Variants in SCYL2 observed in about 807,000 individuals in gnomAD.
SCYL2 encodes the protein SCY1 like pseudokinase 2.
SCYL2 carries 36 observed loss-of-function variants against 100.4 expected under a neutral mutation model. That is an observed-to-expected ratio of 0.36 (90% confidence interval 0.27 to 0.47). The LOEUF (loss-of-function observed/expected upper bound fraction) is 0.47. Among genes scored for constraint, SCYL2 ranks in the 20% least tolerant of loss-of-function variants. SCYL2 has a pLI of 1.00. For synonymous variants in SCYL2, 330 were observed against 359.2 expected (o/e 0.92, Z 0.92); for missense variants, 902 against 1,083.9 (o/e 0.83, Z 2.36).
intron 1 of SCYL2, among the ~76,000 whole-genome samples, chr12:100,273,493 G>A (rs1274179697): frequency 6.6e-6 from 1 of 151,916 alleles, no homozygotes; most frequent in African/African-American, 2.4e-5. Context: ...TTTCTCATAT[G>A]GTATCAGATA....
chr12:100,271,260 C>CAAAAAAAAAA (rs11354103), intron 1 of SCYL2, among the ~76,000 whole-genome samples: 69 of 83,314 alleles, frequency 8.3e-4, no homozygotes, highest in African/African-American at 3.5e-3. Flanking sequence ...TGCAGAGCAG[C>CAAAAAAAAAA]AAAAAAAAAA....
At chr12:100,268,723 C>T (rs1381694409) in intron 1 of SCYL2, among the ~76,000 whole-genome samples, 1 of 152,188 alleles carries the variant, frequency 6.6e-6, no homozygotes, top group Non-Finnish European at 1.5e-5. Flanking sequence ...GGAATAACTA[C>T]TCATATTCAC....
intron 1 of SCYL2, among the ~76,000 whole-genome samples, chr12:100,281,201 G>T (rs1310443495): frequency 1.3e-5 from 2 of 151,456 alleles, no homozygotes; most frequent in East Asian, 3.9e-4. Context: ...GCTAATTTTC[G>T]AATTTTTTGT....
intron 1 of SCYL2, among the ~76,000 whole-genome samples, chr12:100,269,641 G>C (rs2096285121): frequency 6.6e-6 from 1 of 152,092 alleles, no homozygotes; most frequent in Non-Finnish European, 1.5e-5. Flanking sequence ...TTGTAGATTA[G>C]AAATAGTGTT....
intron 12 of SCYL2, among the ~76,000 whole-genome samples, chr12:100,328,744 C>T (rs1387135841): frequency 6.6e-6 from 1 of 152,134 alleles, no homozygotes; most frequent in Non-Finnish European, 1.5e-5. Flanking sequence ...TATTAAATTT[C>T]AAACATGTTG....
intron 2 of SCYL2, among the ~76,000 whole-genome samples, chr12:100,287,568 A>C (rs2096305794): frequency 6.6e-6 from 1 of 152,204 alleles, no homozygotes. Flanking sequence ...TTTTTTGTTT[A>C]AATTAGGCTA....
intron 2 of SCYL2, 120 bp downstream of exon 2, chr12:100,283,267 C>A (rs1182748421): frequency 4.0e-6 from 3 of 742,094 alleles, no homozygotes; most frequent in Non-Finnish European, 6.5e-6. Context: ...TAAATGGGTT[C>A]TTTAGTTCTC....
intron 1 of SCYL2, among the ~76,000 whole-genome samples, chr12:100,279,545 T>G (rs1340261910): frequency 6.6e-6 from 1 of 152,256 alleles, no homozygotes; most frequent in Non-Finnish European, 1.5e-5. Context: ...AATTTTTTTG[T>G]GCATGTTATG....
chr12:100,269,453 C>T (rs931507609), intron 1 of SCYL2, among the ~76,000 whole-genome samples: 1 of 152,040 alleles, frequency 6.6e-6, no homozygotes, highest in Non-Finnish European at 1.5e-5. Context: ...TTTATTAATA[C>T]TTAATAAATT....
At chr12:100,292,502 T>G (rs2096311760) in intron 3 of SCYL2, among the ~76,000 whole-genome samples, 1 of 152,218 alleles carries the variant, frequency 6.6e-6, no homozygotes, top group African/African-American at 2.4e-5. Context: ...CTTTTATCTT[T>G]TATTATATAT....
At chr12:100,326,544 G>A (rs1352141384) in intron 11 of SCYL2, 78 bp from the exon 12 acceptor site, 1 of 992,894 alleles carries the variant, frequency 1.0e-6, no homozygotes, top group East Asian at 2.7e-5. Context: ...TTTATATGAA[G>A]ATTAAGTTTA....
rs2096310771 is a variant in SCYL2 at position 100,291,619 on chromosome 12, C to T, written c.294C>T (p.His98=). 6.3e-7 allele frequency: 1 copy of T among 1,599,560 alleles called. No homozygotes were observed. Among genetic ancestry groups the T allele is most frequent in the East Asian group, 2.3e-5 (1 of 44,202 alleles). ...RGVQQLTRLR[H]PRLLTVQHPL... ...TCCAACAGTTAACTCGGCTTCGACA[C>T]CCTCGACTTCTTACTGTCCAGCATC... Residue 98 remains histidine, a synonymous_variant, in exon 3 of 18, where the codon CAC becomes CAT. Coordinates refer to ENST00000360820, the MANE Select transcript of SCYL2 (RefSeq NM_017988.6).
At chr12:100,279,297 G>C (rs1391679218) in intron 1 of SCYL2, among the ~76,000 whole-genome samples, 1 of 152,222 alleles carries the variant, frequency 6.6e-6, no homozygotes, top group Non-Finnish European at 1.5e-5. Flanking sequence ...GCTCCTTTGA[G>C]AATCTATTGC....
In SCYL2 at chr12:100,278,630, C is replaced by CT. The variant is rs66782127; in HGVS notation, c.-28-4295dup. On this transcript the variant is annotated intron_variant, in intron 1 of 17. Coordinates refer to ENST00000360820, the MANE Select transcript of SCYL2 (RefSeq NM_017988.6). Reference sequence around the variant, plus strand: ...TGTTTCTGCCAAATTTGGGGAAATTCTTTTTTTTTTTTTTTTTTGAGATGG... The same window carrying CT: ...TGTTTCTGCCAAATTTGGGGAAATTCTTTTTTTTTTTTTTTTTTTGAGATGG... 8.7e-3 allele frequency among the ~76,000 whole-genome samples: 1,050 copies of CT among 120,480 alleles called. 12 individuals are homozygous for CT. The highest frequency in any genetic ancestry group is 0.029 in the Middle Eastern group (7 of 238). The allele number at this position is 120,480 out of a possible 152,430, so 79.0% of individuals were successfully genotyped here.
intron 1 of SCYL2, among the ~76,000 whole-genome samples, chr12:100,269,198 C>G (rs780675311): frequency 4.6e-5 from 7 of 152,144 alleles, no homozygotes; most frequent in Admixed American, 3.3e-4. Flanking sequence ...GGTCCCCTTT[C>G]CAAACTCATC....
intron 15 of SCYL2, 21 bp from the exon 16 acceptor site, chr12:100,335,790 A>C: frequency 6.2e-7 from 1 of 1,604,010 alleles, no homozygotes; most frequent in Non-Finnish European, 8.5e-7. Context: ...TATTTAAATT[A>C]TTGACATTTT....
chr12:100,319,734 G>T (rs2096353559), intron 10 of SCYL2, among the ~76,000 whole-genome samples: 1 of 152,162 alleles, frequency 6.6e-6, no homozygotes, highest in Non-Finnish European at 1.5e-5. Flanking sequence ...TGTTGGCCAG[G>T]TTGGGGAAAC....
chr12:100,310,182 A>G (rs1323719278), intron 4 of SCYL2, among the ~76,000 whole-genome samples: 1 of 152,008 alleles, frequency 6.6e-6, no homozygotes, highest in African/African-American at 2.4e-5. Flanking sequence ...TGTTTTTAGT[A>G]TTGACGGGGT....
At chr12:100,310,513 C>A (rs1289781593) in intron 4 of SCYL2, among the ~76,000 whole-genome samples, 1 of 152,170 alleles carries the variant, frequency 6.6e-6, no homozygotes, top group Non-Finnish European at 1.5e-5. Context: ...AGAAATCTAA[C>A]CTTTAGTTTT....
Sources: allele counts gnomAD v4.1 joint callset (sites outside exome capture counted in the v4.1 genomes callset), GRCh38; gene constraint gnomAD v4.1.1; transcripts MANE v1.5; gene names NCBI Gene and HGNC (gene_info 2026-07-23, HGNC 2026-07-21).